The following PPP3CA variants were observed in gnomAD, a reference collection of about 807,000 sequenced individuals.
PPP3CA encodes CAM-PRP catalytic subunit.
A neutral mutation model predicts 66.5 loss-of-function variants in PPP3CA; 14 were observed. That is an observed-to-expected ratio of 0.21 (90% CI 0.14 to 0.33). The LOEUF is 0.33. Among genes scored for constraint, PPP3CA ranks in the 10% least tolerant of loss-of-function variants. The pLI is 1.00. For synonymous variants in PPP3CA, 232 were observed against 226.2 expected (o/e 1.03, Z -0.23); for missense variants, 317 against 639.5 (o/e 0.50, Z 5.44).
At chr4:101,296,656 G>C (rs574664336) in intron 1 of PPP3CA, among the ~76,000 whole-genome samples, 13 of 152,140 alleles carry the variant, frequency 8.5e-5, no homozygotes, top group Non-Finnish European at 1.5e-4. Context: ...TCATTTAAGG[G>C]TTTTATCACA....
intron 1 of PPP3CA, among the ~76,000 whole-genome samples, chr4:101,223,204 C>A (rs116171623): frequency 0.018 from 2,742 of 151,762 alleles, 32 homozygotes; most frequent in Non-Finnish European, 0.027. Flanking sequence ...CTAATTGATT[C>A]CCTAGGTGAG....
intron 3 of PPP3CA, among the ~76,000 whole-genome samples, chr4:101,104,794 T>C (rs1024112424): frequency 5.3e-5 from 8 of 152,198 alleles, no homozygotes; most frequent in African/African-American, 1.9e-4. Flanking sequence ...CAATGAGCCA[T>C]TCCAAAGCCT....
chr4:101,182,439 A>G (rs1229386900), intron 2 of PPP3CA, among the ~76,000 whole-genome samples: 1 of 152,164 alleles, frequency 6.6e-6, no homozygotes, highest in Non-Finnish European at 1.5e-5. Context: ...CCTGCTCTTG[A>G]GCATTGTACA....
intron 10 of PPP3CA, among the ~76,000 whole-genome samples, chr4:101,051,615 A>G (rs1444729705): frequency 2.0e-5 from 3 of 152,132 alleles, no homozygotes; most frequent in Non-Finnish European, 4.4e-5. Context: ...CGAGAAGTAA[A>G]GTGTTCTAAA....
chr4:101,345,586 A>G (rs1729956124), intron 1 of PPP3CA, among the ~76,000 whole-genome samples: 1 of 152,154 alleles, frequency 6.6e-6, no homozygotes, highest in Non-Finnish European at 1.5e-5. Context: ...AATGTGAGAT[A>G]CTACTTAATC....
At chr4:101,200,458 TA>T (rs1560654910) in intron 1 of PPP3CA, among the ~76,000 whole-genome samples, 1 of 152,124 alleles carries the variant, frequency 6.6e-6, no homozygotes. Flanking sequence ...CTGGGATGTA[TA>T]AAAATATGCC....
chr4:101,314,569 C>CAAAAAAAAAAAAAAAAAAAA, intron 1 of PPP3CA, among the ~76,000 whole-genome samples: 1 of 75,254 alleles, frequency 1.3e-5, no homozygotes, highest in Non-Finnish European at 2.5e-5. Context: ...ATCTCAAAAC[C>CAAAAAAAAAAAAAAAAAAAA]AAAAAAAAAA....
chr4:101,207,523 G>C (rs1357671628), intron 1 of PPP3CA, among the ~76,000 whole-genome samples: 3 of 152,106 alleles, frequency 2.0e-5, no homozygotes, highest in Non-Finnish European at 4.4e-5. Flanking sequence ...GAGAAATACA[G>C]CTGTTAAGAG....
chr4:101,152,794 C>G (rs911891441), intron 2 of PPP3CA, among the ~76,000 whole-genome samples: 15 of 152,002 alleles, frequency 9.9e-5, no homozygotes, highest in Middle Eastern at 3.4e-3. Flanking sequence ...AACATATATT[C>G]TAGAAAGATC....
chr4:101,038,947 C>A (rs970266786), intron 11 of PPP3CA, among the ~76,000 whole-genome samples: 1 of 152,134 alleles, frequency 6.6e-6, no homozygotes, highest in Non-Finnish European at 1.5e-5. Flanking sequence ...CCATTTATCA[C>A]GGGATAGTCA....
chr4:101,057,764 T>C (rs548855818), intron 10 of PPP3CA, among the ~76,000 whole-genome samples: 2 of 152,304 alleles, frequency 1.3e-5, no homozygotes, highest in South Asian at 2.1e-4. Context: ...ATGCATAATG[T>C]ATACAATGCC....
intron 1 of PPP3CA, among the ~76,000 whole-genome samples, chr4:101,199,206 G>A (rs984577805): frequency 6.6e-6 from 1 of 152,158 alleles, no homozygotes; most frequent in Non-Finnish European, 1.5e-5. Flanking sequence ...ATGAAGACCT[G>A]TGCCAAATAC....
At chr4:101,141,749 G>C (rs1170371440) in intron 2 of PPP3CA, among the ~76,000 whole-genome samples, 5 of 152,028 alleles carry the variant, frequency 3.3e-5, no homozygotes. Context: ...AAATTTACCA[G>C]TTTCTTTGTC....
chr4:101,132,707 C>T (rs552317758), intron 2 of PPP3CA, among the ~76,000 whole-genome samples: 118 of 152,246 alleles, frequency 7.8e-4, no homozygotes, highest in Non-Finnish European at 1.3e-3. Context: ...TGAAAATATT[C>T]CAAACAAGAG....
chr4:101,083,296 G>C, intron 6 of PPP3CA, 33 bp from the exon 7 acceptor site: 2 of 1,567,332 alleles, frequency 1.3e-6, no homozygotes, highest in Non-Finnish European at 1.8e-6. Flanking sequence ...GGAAGCATCT[G>C]TTAGGAAATC....
intron 12 of PPP3CA, among the ~76,000 whole-genome samples, chr4:101,029,937 G>A (rs1199058603): frequency 6.6e-6 from 1 of 151,912 alleles, no homozygotes; most frequent in Non-Finnish European, 1.5e-5. Context: ...CTTTTTGGAA[G>A]TAAAATTCTT....
chr4:101,154,808 A>ATTTTTTTTTTTTT (rs779695561), intron 2 of PPP3CA, among the ~76,000 whole-genome samples: 4 of 90,580 alleles, frequency 4.4e-5, no homozygotes, highest in South Asian at 4.2e-4. Context: ...CACTCCCAGA[A>ATTTTTTTTTTTTT]TTTTTTTTTT....
intron 6 of PPP3CA, among the ~76,000 whole-genome samples, chr4:101,093,482 A>T (rs936672676): frequency 1.3e-5 from 2 of 151,934 alleles, no homozygotes; most frequent in Admixed American, 6.6e-5. Context: ...TTCTATATGC[A>T]CTGGGAAACC....
chr4:101,285,651 GTGTT>G (rs1727823745), intron 1 of PPP3CA, among the ~76,000 whole-genome samples: 1 of 122,514 alleles, frequency 8.2e-6, no homozygotes, highest in African/African-American at 3.2e-5. Flanking sequence ...GTGTGTGTGT[GTGTT>G]TTCTAATACA....
Sources: allele counts gnomAD v4.1 joint callset (sites outside exome capture counted in the v4.1 genomes callset), GRCh38; gene constraint gnomAD v4.1.1; transcripts MANE v1.5; gene names NCBI Gene and HGNC (gene_info 2026-07-23, HGNC 2026-07-21).